PDZRN3: variants seen among roughly 807,000 people sequenced by gnomAD.
PDZRN3 encodes the protein E3 ubiquitin-protein ligase PDZRN3.
In PDZRN3, 38 loss-of-function variants were observed where a neutral mutation model predicts 85.7. That is an observed-to-expected ratio of 0.44 (90% CI 0.34 to 0.58). PDZRN3 has a LOEUF of 0.58. Among genes scored for constraint, PDZRN3 ranks in the 20% least tolerant of loss-of-function variants. PDZRN3 has a pLI of 0.01. For missense variants in PDZRN3, 1,629 were observed against 1,506.4 expected (o/e 1.08, Z -1.35); for synonymous variants, 759 against 638.0 (o/e 1.19, Z -2.86).
chr3:73,497,569 T>C (rs1703889311), intron 3 of PDZRN3, among the ~76,000 whole-genome samples: 1 of 152,258 alleles, frequency 6.6e-6, no homozygotes, highest in Non-Finnish European at 1.5e-5. Context: ...ATTGCCATTG[T>C]AAAATTTTTT....
intron 3 of PDZRN3, among the ~76,000 whole-genome samples, chr3:73,577,511 T>C (rs1214447074): frequency 1.3e-5 from 2 of 152,094 alleles, no homozygotes; most frequent in Non-Finnish European, 2.9e-5. Context: ...GAGGATACCT[T>C]GTATAGAATG....
At position 73,430,107 on chromosome 3, in the gene PDZRN3, A is replaced by C. The variant is rs574867010; in HGVS notation, c.919-25712T>G. Among the ~76,000 whole-genome samples, 6 of 152,330 alleles carry C rather than the reference A, an allele frequency of 3.9e-5. No homozygotes were observed. The South Asian group carries it at 1.0e-3, about 26-fold the overall frequency. On this transcript the variant is annotated intron_variant, in intron 3 of 9. Transcript: ENST00000263666. ...CACAGATGTGGGAATTATAGTGCAG[A>C]TCTGACTCCCAGTCCCACTATAATT...
At chr3:73,441,104 T>C (rs1038294455) in intron 3 of PDZRN3, among the ~76,000 whole-genome samples, 17 of 152,126 alleles carry the variant, frequency 1.1e-4, no homozygotes, top group African/African-American at 3.9e-4. Context: ...TAGATACTTA[T>C]ATAACAACCA....
chr3:73,515,210 C>T lies in PDZRN3; in HGVS notation c.918+87144G>A, dbSNP rs552393709. On this transcript the variant is annotated intron_variant, in intron 3 of 9. Transcript: ENST00000263666. ...TTTTTTTTTTTGAGATGGAGTCTTG[C>T]TCTCACCCAGGCTGGAATGCAGTGG... Among the ~76,000 whole-genome samples, 207 of 122,246 alleles carry T rather than the reference C, an allele frequency of 1.7e-3. 1 individual carries two copies. Among genetic ancestry groups the T allele is most frequent in the Non-Finnish European group, 2.7e-3 (167 of 62,768 alleles). 80.2% of individuals were successfully genotyped at this position (122,246 alleles called of 152,430 possible).
chr3:73,489,301 C>G (rs143092290), intron 3 of PDZRN3, among the ~76,000 whole-genome samples: 1 of 152,134 alleles, frequency 6.6e-6, no homozygotes. Flanking sequence ...TTTAATGGTA[C>G]CTTTTCCTGC....
chr3:73,532,292 C>T (rs894575225), intron 3 of PDZRN3, among the ~76,000 whole-genome samples: 14 of 152,268 alleles, frequency 9.2e-5, no homozygotes, highest in African/African-American at 3.1e-4. Flanking sequence ...TGAGGTACGA[C>T]GCCCAGCCAA....
chr3:73,484,305 C>A (rs773512232), intron 3 of PDZRN3, among the ~76,000 whole-genome samples: 40 of 152,140 alleles, frequency 2.6e-4, no homozygotes, highest in Admixed American at 5.2e-4. Flanking sequence ...CAGAGATGTC[C>A]CAGATCAGGG....
At chr3:73,534,862 T>G (rs372268513) in intron 3 of PDZRN3, among the ~76,000 whole-genome samples, 4 of 152,220 alleles carry the variant, frequency 2.6e-5, no homozygotes, top group African/African-American at 4.8e-5. Context: ...CACTTCTGGT[T>G]TACAAAGGAC....
chr3:73,384,472 C>G lies in PDZRN3; in HGVS notation c.2094G>C (p.Glu698Asp). 1 of 1,613,282 alleles carries G rather than the reference C, an allele frequency of 6.2e-7. No individual in the cohort carries two copies. Reference protein sequence around the residue: ...LNEELRSIELECLSIVRAHKM... With the variant: ...LNEELRSIELDCLSIVRAHKM... ...TGTGGGCGCGCACGATGCTCAGGCA[C>G]TCCAGCTCGATGCTGCGCAGCTCTT... The change falls in exon 10 of 10, where the codon GAG (glutamate) becomes GAC (aspartate). Residue 698 changes from glutamate (E) to aspartate (D), a missense_variant. Transcript: ENST00000263666.
At chr3:73,587,362 G>T (rs190942060) in intron 3 of PDZRN3, among the ~76,000 whole-genome samples, 1 of 152,244 alleles carries the variant, frequency 6.6e-6, no homozygotes, top group East Asian at 1.9e-4. Flanking sequence ...CTTACTGTAG[G>T]TCAGTACCAA....
intron 3 of PDZRN3, 51 bp from the exon 4 acceptor site, chr3:73,404,446 G>A: frequency 6.4e-7 from 1 of 1,560,204 alleles, no homozygotes. Context: ...GCAGAAAACG[G>A]AAGGACAAAT....
Position 73,624,702 on chromosome 3 carries a change from C to A in PDZRN3, c.124G>T (p.Val42Leu). 6.6e-7 allele frequency: 1 copy of A among 1,525,088 alleles called. No homozygotes were observed. Among genetic ancestry groups the A allele is most frequent in the Non-Finnish European group, 8.7e-7 (1 of 1,142,980 alleles). 94.5% of individuals were successfully genotyped at this position (1,525,088 alleles called of 1,614,324 possible). The change falls in exon 1 of 10, where the codon GTG becomes TTG. Residue 42 changes from valine (V) to leucine (L), a missense_variant. Coordinates refer to ENST00000263666, the MANE Select transcript of PDZRN3 (RefSeq NM_015009.3). ...CCCTCCTGCACCACCCAGGGCAGCA[C>A]GCAGCCGGCGCAGAAGACGTGGCCG... Reference protein sequence around the residue: ...PCGHVFCAGCVLPWVVQEGSC... With the variant: ...PCGHVFCAGCLLPWVVQEGSC...
chr3:73,527,055 C>A (rs1704541787), intron 3 of PDZRN3, among the ~76,000 whole-genome samples: 1 of 152,172 alleles, frequency 6.6e-6, no homozygotes, highest in Non-Finnish European at 1.5e-5. Context: ...GCTGGCCAGG[C>A]TGGACTCAAA....
chr3:73,531,554 A>G (rs560278923), intron 3 of PDZRN3, among the ~76,000 whole-genome samples: 5 of 152,218 alleles, frequency 3.3e-5, no homozygotes, highest in African/African-American at 9.6e-5. Context: ...CCTCTTCCCA[A>G]ATACTACTTC....
At chr3:73,452,514 G>A (rs76408125) in intron 3 of PDZRN3, among the ~76,000 whole-genome samples, 1,947 of 152,204 alleles carry the variant, frequency 0.013, 53 homozygotes, top group African/African-American at 0.045. Context: ...AGGCAGAAAC[G>A]CATGCTGGGA....
intron 3 of PDZRN3, among the ~76,000 whole-genome samples, chr3:73,450,533 G>C (rs17011163): frequency 1.3e-5 from 2 of 152,136 alleles, no homozygotes; most frequent in Non-Finnish European, 2.9e-5. Flanking sequence ...TTAGCAGGGA[G>C]GACATGCTAT....
At position 73,435,843 on chromosome 3, in the gene PDZRN3, CCTCAG is replaced by C. The variant is rs200062291; in HGVS notation, c.919-31453_919-31449del. On this transcript the variant is annotated intron_variant, in intron 3 of 9. Coordinates refer to ENST00000263666, the MANE Select transcript of PDZRN3 (RefSeq NM_015009.3). ...ATGACTCCACCGTTTGCTGAAAAGC[CCTCAG>C]ATCACTTCCCATCACTCTTGGATTG... Among the ~76,000 whole-genome samples, 206 of 152,298 alleles carry C rather than the reference CCTCAG, an allele frequency of 1.4e-3. 5 individuals carry two copies. The East Asian group carries it at 0.032, about 23-fold the overall frequency.
At chr3:73,437,542 G>T (rs996734231) in intron 3 of PDZRN3, among the ~76,000 whole-genome samples, 8 of 152,182 alleles carry the variant, frequency 5.3e-5, no homozygotes, top group Non-Finnish European at 1.2e-4. Context: ...ACTTTGGTGA[G>T]TCTGGTGTCT....
At chr3:73,564,695 A>G (rs371044611) in intron 3 of PDZRN3, among the ~76,000 whole-genome samples, 40 of 152,142 alleles carry the variant, frequency 2.6e-4, no homozygotes, top group African/African-American at 9.4e-4. Context: ...TCCCTCCCCA[A>G]TAATTAGTGG....
Sources: allele counts gnomAD v4.1 joint callset (sites outside exome capture counted in the v4.1 genomes callset), GRCh38; gene constraint gnomAD v4.1.1; transcripts MANE v1.5; gene names NCBI Gene and HGNC (gene_info 2026-07-23, HGNC 2026-07-21).